CACNA1B: variants seen among roughly 807,000 people sequenced by gnomAD.
The protein encoded by CACNA1B is calcium voltage-gated channel subunit alpha1 B, also known as voltage-dependent N-type calcium channel subunit alpha-1B.
CACNA1B carries 70 observed loss-of-function variants against 247.2 expected under a neutral mutation model. The ratio of observed to expected loss-of-function variants is 0.28; its 90% CI spans 0.23 to 0.35. CACNA1B has a LOEUF of 0.35. Among genes scored for constraint, CACNA1B ranks in the 10% least tolerant of loss-of-function variants. CACNA1B has a pLI of 1.00. For missense variants in CACNA1B, 2,367 were observed against 3,197.4 expected (o/e 0.74, Z 6.26); for synonymous variants, 1,231 against 1,294.4 (o/e 0.95, Z 1.05).
At chr9:138,117,422 T>C (rs574884282) in intron 42 of CACNA1B, among the ~76,000 whole-genome samples, 1 of 152,286 alleles carries the variant, frequency 6.6e-6, no homozygotes, top group South Asian at 2.1e-4. Flanking sequence ...CATGACAGCT[T>C]TGCCCTCATC....
rs749334772 is a variant in CACNA1B, at chr9:138,075,861, C to T, written c.4900C>T (p.Arg1634Cys). ...IALDDDTSINRHNNFRTFLQA... is the reference protein window; with the variant it reads ...IALDDDTSINCHNNFRTFLQA... The stretch of plus-strand genomic sequence containing the variant: ...CCTGGATGATGACACCAGCATCAAC[C>T]GCCACAACAACTTCCGGACGTTTTT... The change falls in exon 35 of 47, where the codon CGC becomes TGC. Residue 1634 changes from arginine to cysteine, a missense_variant. By Grantham distance (180) the Arg-to-Cys change is radical. Transcript: ENST00000371372. 8.7e-6 allele frequency: 14 copies of T among 1,612,700 alleles called. No homozygotes were observed. The highest frequency in any genetic ancestry group is 3.3e-5 in the South Asian group (3 of 90,662).
intron 3 of CACNA1B, among the ~76,000 whole-genome samples, chr9:137,892,988 G>A (rs1437379219): frequency 6.6e-6 from 1 of 152,208 alleles, no homozygotes; most frequent in Non-Finnish European, 1.5e-5. Flanking sequence ...ACACGGGAGG[G>A]GGGCCGCCAT....
chr9:137,980,691 T>C (rs1688172760), intron 12 of CACNA1B, among the ~76,000 whole-genome samples: 1 of 152,176 alleles, frequency 6.6e-6, no homozygotes, highest in South Asian at 2.1e-4. Flanking sequence ...TACTCCCCAC[T>C]GTCTATTGTT....
intron 6 of CACNA1B, among the ~76,000 whole-genome samples, chr9:137,930,608 G>A (rs1405685012): frequency 6.6e-6 from 1 of 152,188 alleles, no homozygotes; most frequent in Non-Finnish European, 1.5e-5. Context: ...GATTCTTTTG[G>A]TTGATGGTGT....
rs567335013 is a variant in CACNA1B at position 138,010,700 on chromosome 9, C to G, written c.2160+623C>G. 3.9e-5 allele frequency among the ~76,000 whole-genome samples: 6 copies of G among 152,294 alleles called. No homozygotes were observed. Among genetic ancestry groups the G allele is most frequent in the Admixed American group, 6.5e-5 (1 of 15,306 alleles). On this transcript the variant is annotated intron_variant, in intron 17 of 46. Coordinates refer to ENST00000371372, the MANE Select transcript of CACNA1B (RefSeq NM_000718.4). This position sits in a 1 kb window ranked among gnomAD's most constrained non-coding sequence, Gnocchi z 5.3. ...CGTCCCACGTGCATGCTCTGCACAT[C>G]AGTGTGTACCTGTGTGTCACCATGT...
At chr9:138,089,385 A>G (rs1275332560) in intron 36 of CACNA1B, among the ~76,000 whole-genome samples, 2 of 152,242 alleles carry the variant, frequency 1.3e-5, no homozygotes, top group Admixed American at 6.5e-5. Flanking sequence ...AGTAATCAAC[A>G]TAATACATTA....
chr9:138,060,225 A>G (rs1241072995), intron 31 of CACNA1B, among the ~76,000 whole-genome samples: 1 of 152,236 alleles, frequency 6.6e-6, no homozygotes, highest in African/African-American at 2.4e-5. Context: ...ACTTGTCTCA[A>G]CAAATTTCAA....
chr9:137,972,501 G>T (rs1333845773), intron 11 of CACNA1B, among the ~76,000 whole-genome samples: 1 of 152,102 alleles, frequency 6.6e-6, no homozygotes, highest in Non-Finnish European at 1.5e-5. Context: ...AGCTATCCCA[G>T]CTCCCAGTTC....
intron 12 of CACNA1B, among the ~76,000 whole-genome samples, chr9:137,981,434 C>T (rs1958292039): frequency 6.6e-6 from 1 of 152,184 alleles, no homozygotes; most frequent in Admixed American, 6.5e-5. Flanking sequence ...CAGCACTTGG[C>T]TCAGAGATCT....
chr9:138,115,736 G>C lies in CACNA1B; in HGVS notation c.5777+57G>C, dbSNP rs939748397. ...AGGAGGAGGTCCAAAGACAGTAAAG[G>C]GGGAAGCAGACATCCCATTTCCTCA... On this transcript the variant is annotated intron_variant, in intron 42 of 46. Coordinates refer to ENST00000371372, the MANE Select transcript of CACNA1B (RefSeq NM_000718.4). The C allele has an allele frequency of 3.3e-6, 5 of 1,531,002 alleles. No homozygotes were observed. The Admixed American group carries it at 9.4e-5, about 29-fold the overall frequency. 94.8% of individuals were successfully genotyped at this position (1,531,002 alleles called of 1,614,324 possible).
At chr9:137,949,626 G>A (rs562614203) in intron 6 of CACNA1B, among the ~76,000 whole-genome samples, 11 of 152,148 alleles carry the variant, frequency 7.2e-5, no homozygotes, top group Admixed American at 3.3e-4. Context: ...TCTGCCTGGC[G>A]GGCTTGTGTG....
rs575637555 is a variant in CACNA1B, at chr9:138,079,422, G to A, written c.5094+1164G>A. On this transcript the variant is annotated intron_variant, in intron 36 of 46. Transcript: ENST00000371372. ...GTAACCAGCCATGCACCATATTGAC[G>A]GAAGGTGATGCAAGATGATGACCAA... 8.5e-5 allele frequency among the ~76,000 whole-genome samples: 13 copies of A among 152,182 alleles called. 1 individual carries two copies. In the East Asian group the frequency reaches 2.1e-3, roughly 25 times the overall value.
At chr9:137,896,967 C>T (rs918849494) in intron 3 of CACNA1B, among the ~76,000 whole-genome samples, 3 of 152,066 alleles carry the variant, frequency 2.0e-5, no homozygotes, top group Non-Finnish European at 4.4e-5. Flanking sequence ...TGTAATAGCT[C>T]GTTTCATTTC....
At chr9:137,920,553 A>G (rs1957466125) in intron 6 of CACNA1B, among the ~76,000 whole-genome samples, 1 of 152,180 alleles carries the variant, frequency 6.6e-6, no homozygotes, top group Non-Finnish European at 1.5e-5. Context: ...GTGGCTGTAG[A>G]ACTTCGCCTT....
At chr9:138,028,230 C>G (rs1296402484) in intron 20 of CACNA1B, among the ~76,000 whole-genome samples, 1 of 151,898 alleles carries the variant, frequency 6.6e-6, no homozygotes, top group Non-Finnish European at 1.5e-5. Context: ...GCCGTGTTGG[C>G]CAGGCTGATC....
At position 138,023,427 on chromosome 9, in the gene CACNA1B, A is replaced by G. The variant is rs1589074951; in HGVS notation, c.2684A>G (p.Glu895Gly). The change falls in exon 19 of 47, where the codon GAG (glutamate) becomes GGG (glycine). Residue 895 changes from glutamate (E) to glycine (G), a missense_variant. Glu to Gly is a moderately conservative substitution (Grantham distance 98). Coordinates refer to ENST00000371372, the MANE Select transcript of CACNA1B (RefSeq NM_000718.4). The part of the protein sequence containing the change: ...RPRPHRSHSK[E>G]AAGPPEARSE... ...CGGCCGCACCGCAGCCACAGCAAGG[A>G]GGCCGCGGGGCCCCCGGAGGCGCGG... The G allele has an allele frequency of 7.8e-7, 1 of 1,279,396 alleles. No homozygotes were observed. Among genetic ancestry groups the G allele is most frequent in the Non-Finnish European group, 9.8e-7 (1 of 1,018,184 alleles). 79.3% of individuals were successfully genotyped at this position (1,279,396 alleles called of 1,614,324 possible).
At chr9:138,111,468 C>T (rs1961626479) in intron 39 of CACNA1B, among the ~76,000 whole-genome samples, 1 of 152,182 alleles carries the variant, frequency 6.6e-6, no homozygotes, top group South Asian at 2.1e-4. Flanking sequence ...CAAAACACAT[C>T]AGTGGTGGCA....
At position 138,007,454 on chromosome 9, in the gene CACNA1B, C is replaced by G. The variant is rs1329702330; in HGVS notation, c.2092+570C>G. On this transcript the variant is annotated intron_variant, in intron 16 of 46. Coordinates refer to ENST00000371372, the MANE Select transcript of CACNA1B (RefSeq NM_000718.4). The surrounding 1 kb of genome is among the most constrained non-coding windows in gnomAD (Gnocchi z 4.1). Reference sequence around the variant, plus strand: ...GGACAGGGCTGTGGCCAAGGAAGATCTGGAGGGAGAACTACAGCATTCGTG... The same window carrying G: ...GGACAGGGCTGTGGCCAAGGAAGATGTGGAGGGAGAACTACAGCATTCGTG... 1.3e-5 allele frequency among the ~76,000 whole-genome samples: 2 copies of G among 152,108 alleles called. No individual in the cohort carries two copies. The highest frequency in any genetic ancestry group is 2.9e-5 in the Non-Finnish European group (2 of 68,030).
chr9:138,045,298 G>T (rs1394449028), intron 21 of CACNA1B, among the ~76,000 whole-genome samples: 3 of 152,170 alleles, frequency 2.0e-5, no homozygotes, highest in East Asian at 1.9e-4. Flanking sequence ...GTGCACAGTG[G>T]GGGTACTCGG....
Sources: gnomAD v4.1 joint callset for allele counts (sites outside exome capture counted in the v4.1 genomes callset) on GRCh38, gnomAD v4.1.1 for gene constraint, Gnocchi (gnomAD v3.1) non-coding constraint, MANE v1.5 for transcripts, NCBI Gene and HGNC (gene_info 2026-07-23, HGNC 2026-07-21) for gene names.